Variants in TRMT1L observed in about 807,000 individuals in gnomAD.
TRMT1L encodes the protein tRNA methyltransferase 1L, also known as tRNA (guanine(27)-N(2))-dimethyltransferase.
A neutral mutation model predicts 81.6 loss-of-function variants in TRMT1L; 28 were observed. The ratio of observed to expected loss-of-function variants is 0.34; its 90% CI spans 0.25 to 0.47. TRMT1L has a LOEUF of 0.47. Ranked by LOEUF, TRMT1L falls within the 20% of genes least tolerant of loss-of-function variation. The pLI, the probability that TRMT1L is intolerant of heterozygous loss-of-function variation, is 1.00. For synonymous variants in TRMT1L, 301 were observed against 303.2 expected (o/e 0.99, Z 0.07); for missense variants, 739 against 877.1 (o/e 0.84, Z 1.99).
rs981093054 is a variant in TRMT1L, at chr1:185,150,308, A to G, written c.460+71T>C. The G allele has an allele frequency of 1.0e-4, 113 of 1,105,540 alleles. No individual in the cohort carries two copies. The Admixed American group carries it at 2.5e-3, about 25-fold the overall frequency. 68.5% of individuals were successfully genotyped at this position (1,105,540 alleles called of 1,614,324 possible). A position where few individuals can be genotyped will look rare whatever the true frequency, so the allele number is the denominator to read the frequency against. On this transcript the variant is annotated intron_variant, in intron 3 of 14. Coordinates refer to ENST00000367506, the MANE Select transcript of TRMT1L (RefSeq NM_030934.5). ...AAAATATTTGATTATACTCATGATA[A>G]AAATGCCAAAACTGGTAATAAATGT...
At chr1:185,134,393 T>C (rs1225043913) in intron 10 of TRMT1L, among the ~76,000 whole-genome samples, 2 of 152,186 alleles carry the variant, frequency 1.3e-5, no homozygotes, top group Non-Finnish European at 2.9e-5. Context: ...GGTTTCACCA[T>C]GTTGGCCAGT....
chr1:185,155,374 A>G (rs1268314749), intron 1 of TRMT1L, among the ~76,000 whole-genome samples: 2 of 152,192 alleles, frequency 1.3e-5, no homozygotes, highest in African/African-American at 4.8e-5. Context: ...TGAAGAAACA[A>G]CTGGCCTTAT....
At chr1:185,126,970 C>T (rs1652645444) in intron 11 of TRMT1L, among the ~76,000 whole-genome samples, 1 of 152,326 alleles carries the variant, frequency 6.6e-6, no homozygotes, top group East Asian at 1.9e-4. Flanking sequence ...GCACTTCAGC[C>T]TGGGCAACAA....
rs1195551981 is a variant in TRMT1L at position 185,119,254 on chromosome 1, C to T, written c.*765G>A. The T allele has an allele frequency of 6.6e-6, 1 of 152,086 alleles. No individual in the cohort carries two copies. Among genetic ancestry groups the T allele is most frequent in the Non-Finnish European group, 1.5e-5 (1 of 68,000 alleles). 9.4% of individuals were successfully genotyped at this position (152,086 alleles called of 1,614,324 possible). On this transcript the variant is annotated 3_prime_UTR_variant, in exon 15 of 15. Coordinates refer to ENST00000367506, the MANE Select transcript of TRMT1L (RefSeq NM_030934.5). ...CAAATGAATACTGTACGTGCATTAACTGAGGCACTTAAGATCACCCAACCT... is the reference window on the plus strand; with the variant it reads ...CAAATGAATACTGTACGTGCATTAATTGAGGCACTTAAGATCACCCAACCT...
intron 4 of TRMT1L, among the ~76,000 whole-genome samples, chr1:185,146,128 AATG>A (rs962564591): frequency 8.6e-5 from 13 of 152,028 alleles, no homozygotes; most frequent in African/African-American, 3.1e-4. Context: ...ACAGGAGAAC[AATG>A]ATATGAAGTG....
At chr1:185,129,199 T>C (rs1652710366) in intron 10 of TRMT1L, among the ~76,000 whole-genome samples, 1 of 152,234 alleles carries the variant, frequency 6.6e-6, no homozygotes, top group African/African-American at 2.4e-5. Context: ...ATAATTTATG[T>C]GCAATAAAAC....
chr1:185,149,212 ATC>A (rs1387387438), intron 3 of TRMT1L, among the ~76,000 whole-genome samples: 2 of 151,984 alleles, frequency 1.3e-5, no homozygotes, highest in Non-Finnish European at 2.9e-5. Context: ...TTATTCAATC[ATC>A]TCTTTTAATT....
At chr1:185,127,170 C>T (rs1486720899) in intron 11 of TRMT1L, among the ~76,000 whole-genome samples, 1 of 152,120 alleles carries the variant, frequency 6.6e-6, no homozygotes, top group Non-Finnish European at 1.5e-5. Flanking sequence ...CTTCTGGATC[C>T]AGTAACCTGC....
At chr1:185,144,342 C>T (rs1184754800) in intron 5 of TRMT1L, among the ~76,000 whole-genome samples, 1 of 151,928 alleles carries the variant, frequency 6.6e-6, no homozygotes, top group African/African-American at 2.4e-5. Context: ...AGAACAATCA[C>T]CCTAGGAAAG....
intron 1 of TRMT1L, 74 bp from the exon 2 acceptor site, chr1:185,152,009 TAGA>T (rs1332848857): frequency 3.4e-6 from 3 of 875,856 alleles, no homozygotes; most frequent in African/African-American, 3.5e-5. Flanking sequence ...TCACATCGTA[TAGA>T]AGTTTATTTC....
At position 185,118,976 on chromosome 1, in the gene TRMT1L, A is replaced by C. The variant is rs1180370114; in HGVS notation, c.*1043T>G. 6.6e-6 allele frequency: 1 copy of C among 152,024 alleles called. No homozygotes were observed. Among genetic ancestry groups the C allele is most frequent in the Non-Finnish European group, 1.5e-5 (1 of 67,972 alleles). The allele number at this position is 152,024 out of a possible 1,614,324, so 9.4% of individuals were successfully genotyped here. On this transcript the variant is annotated 3_prime_UTR_variant, in exon 15 of 15. Transcript: ENST00000367506. ...TCAAATCCTTGAGACAAAAACCCAA[A>C]CTTTATACCAAATCCTTTCATCCAA...
intron 10 of TRMT1L, among the ~76,000 whole-genome samples, chr1:185,129,111 A>G (rs1652707222): frequency 6.6e-6 from 1 of 152,180 alleles, no homozygotes; most frequent in Admixed American, 6.5e-5. Context: ...TTACTATACC[A>G]CATGAAATAA....
At position 185,153,315 on chromosome 1, in the gene TRMT1L, T is replaced by C. The variant is rs561403738; in HGVS notation, c.236-1380A>G. 7.2e-5 allele frequency among the ~76,000 whole-genome samples: 11 copies of C among 152,290 alleles called. No homozygotes were observed. In the South Asian group the frequency reaches 2.1e-3, roughly 29 times the overall value. On this transcript the variant is annotated intron_variant, in intron 1 of 14. Coordinates refer to ENST00000367506, the MANE Select transcript of TRMT1L (RefSeq NM_030934.5). ...TTGCTGAACCCGCTACTGATTATTA[T>C]AGATAGATATAATCTGGTAGTGAGG...
chr1:185,147,431 A>AC (rs1403254001), intron 3 of TRMT1L, among the ~76,000 whole-genome samples, 185 bp from the exon 4 acceptor site: 1 of 152,182 alleles, frequency 6.6e-6, no homozygotes, highest in Non-Finnish European at 1.5e-5. Flanking sequence ...ATGCATATAT[A>AC]CATATGTATA....
intron 1 of TRMT1L, among the ~76,000 whole-genome samples, chr1:185,154,421 G>C (rs913817726): frequency 1.3e-5 from 2 of 152,156 alleles, no homozygotes; most frequent in African/African-American, 4.8e-5. Flanking sequence ...GGTCAAATGA[G>C]TTATAATGAG....
intron 10 of TRMT1L, among the ~76,000 whole-genome samples, chr1:185,134,498 TA>T (rs1298717754): frequency 5.9e-5 from 9 of 152,242 alleles, no homozygotes; most frequent in Admixed American, 2.6e-4. Context: ...TTTGACTTTT[TA>T]AACTATGTAT....
In TRMT1L at chr1:185,125,051, T is replaced by C. The variant is rs1013631737; in HGVS notation, c.1652A>G (p.His551Arg). Residue 551 changes from histidine (H) to arginine (R), a missense_variant, in exon 12 of 15, where the codon CAT becomes CGT. His to Arg is a conservative substitution (Grantham distance 29). Transcript: ENST00000367506. ...LKRMLFESLHHGLDDIQTLIK... is the reference protein window; with the variant it reads ...LKRMLFESLHRGLDDIQTLIK... ...TAGGGTCTGAATGTCATCCAAACCA[T>C]GGTGAAGAGATTCAAATAGCATTCT... is the stretch of plus-strand genomic sequence containing the variant. 4.3e-6 allele frequency: 7 copies of C among 1,612,832 alleles called. No homozygotes were observed. The highest frequency in any genetic ancestry group is 3.3e-5 in the Admixed American group (2 of 59,986).
chr1:185,128,294 C>T (rs1254431679), intron 11 of TRMT1L, among the ~76,000 whole-genome samples: 1 of 152,194 alleles, frequency 6.6e-6, no homozygotes, highest in Non-Finnish European at 1.5e-5. Flanking sequence ...TCTTCTAGGA[C>T]CTTTTACATG....
chr1:185,153,317 GATAGAT>G (rs1218491237), intron 1 of TRMT1L, among the ~76,000 whole-genome samples: 4 of 152,272 alleles, frequency 2.6e-5, no homozygotes, highest in Admixed American at 6.5e-5. Flanking sequence ...GATTATTATA[GATAGAT>G]ATAATCTGGT....
Sources: allele counts gnomAD v4.1 joint callset (sites outside exome capture counted in the v4.1 genomes callset), GRCh38; gene constraint gnomAD v4.1.1; transcripts MANE v1.5; gene names NCBI Gene and HGNC (gene_info 2026-07-23, HGNC 2026-07-21).